Variants in TENM1 observed in about 807,000 individuals in gnomAD.
TENM1 encodes teneurin transmembrane protein 1.
A neutral mutation model predicts 174.8 loss-of-function variants in TENM1; 35 were observed. The ratio of observed to expected loss-of-function variants is 0.20; its 90% confidence interval spans 0.15 to 0.27. TENM1 has a LOEUF of 0.27. Among genes scored for constraint, TENM1 ranks in the 10% least tolerant of loss-of-function variants. The pLI is 1.00. For synonymous variants in TENM1, 781 were observed against 798.7 expected (o/e 0.98, Z 0.37); for missense variants, 1,633 against 2,130.1 (o/e 0.77, Z 4.59).
chrX:125,156,897 C>G, the TENM1 span, among the ~76,000 whole-genome samples: 1 of 112,617 alleles, frequency 8.9e-6, no homozygotes, highest in Non-Finnish European at 1.9e-5. Flanking sequence ...ATGTTCAGCT[C>G]TCTACCGATT....
chrX:124,545,806 C>T (rs925522655), intron 15 of TENM1, among the ~76,000 whole-genome samples: 1 of 111,590 alleles, frequency 9.0e-6, no homozygotes, highest in Admixed American at 9.5e-5. Flanking sequence ...GGCAGAAAAG[C>T]CCTTTCTTGT....
chrX:124,551,039 C>T (rs1211300949), intron 14 of TENM1, among the ~76,000 whole-genome samples: 2 of 112,821 alleles, frequency 1.8e-5, no homozygotes, highest in Middle Eastern at 4.6e-3. Flanking sequence ...GGATTACAGG[C>T]GTAAGCCACC....
chrX:124,840,557 C>T (rs906755808), intron 3 of TENM1, among the ~76,000 whole-genome samples: 1 of 111,316 alleles, frequency 9.0e-6, no homozygotes, highest in Admixed American at 9.6e-5. Context: ...TCAAGACTAA[C>T]CCCTTGAGAG....
In TENM1 at chrX:124,630,195, T is replaced by C. The variant is rs5958544; in HGVS notation, c.2077+11596A>G. Among the ~76,000 whole-genome samples, 296 of 112,606 alleles carry C rather than the reference T, an allele frequency of 2.6e-3. 2 individuals carry two copies. Among genetic ancestry groups the C allele is most frequent in the African/African-American group, 9.1e-3 (282 of 31,076 alleles). On this transcript the variant is annotated intron_variant, in intron 11 of 31. Transcript: ENST00000422452. ...TCATTGCTTGATATGCAGAATTCAATTTAAAAAATGAATGAACCTTCAATA... is the reference window on the plus strand; with the variant it reads ...TCATTGCTTGATATGCAGAATTCAACTTAAAAAATGAATGAACCTTCAATA...
chrX:124,579,659 G>A (rs1200333109), intron 11 of TENM1, among the ~76,000 whole-genome samples: 2 of 111,972 alleles, frequency 1.8e-5, no homozygotes, highest in Non-Finnish European at 3.8e-5. Flanking sequence ...TATATTGTAA[G>A]TTGATGAAGG....
chrX:125,163,210 A>G, the TENM1 span, among the ~76,000 whole-genome samples: 1 of 111,294 alleles, frequency 9.0e-6, no homozygotes, highest in Non-Finnish European at 1.9e-5. Flanking sequence ...AAGAACTGCC[A>G]CAGAGAAGTG....
rs149571942 is a variant in TENM1, at chrX:124,726,026, A to G, written c.776+10931T>C. 6.7e-3 allele frequency among the ~76,000 whole-genome samples: 753 copies of G among 112,082 alleles called. 9 individuals carry two copies. The highest frequency in any genetic ancestry group is 0.024 in the African/African-American group (728 of 30,887). On this transcript the variant is annotated intron_variant, in intron 4 of 31. Coordinates refer to ENST00000422452, the Ensembl canonical transcript of TENM1. ...TAGGGAAGTGTATAAGTATATGGTG[A>G]GGGAGGGCAAAATGATGGGTACAGA... is the stretch of plus-strand genomic sequence containing the variant.
chrX:124,466,881 G>C (rs2061246617), intron 22 of TENM1, among the ~76,000 whole-genome samples: 1 of 111,516 alleles, frequency 9.0e-6, no homozygotes, highest in Non-Finnish European at 1.9e-5. Flanking sequence ...AACCAATATA[G>C]GTAAGCTTAG....
chrX:124,606,791 C>T (rs999771435), intron 11 of TENM1, among the ~76,000 whole-genome samples: 2 of 111,692 alleles, frequency 1.8e-5, no homozygotes, highest in Non-Finnish European at 3.8e-5. Flanking sequence ...TTATACCATG[C>T]TTTGAGCTTT....
At chrX:124,984,857 CT>C in the TENM1 span, among the ~76,000 whole-genome samples, 1 of 111,929 alleles carries the variant, frequency 8.9e-6, no homozygotes, top group East Asian at 2.8e-4. Flanking sequence ...TAAAATTCCT[CT>C]AATAGGTTTC....
chrX:124,494,781 C>A (rs960755343), intron 20 of TENM1, among the ~76,000 whole-genome samples: 3 of 108,404 alleles, frequency 2.8e-5, no homozygotes, highest in Non-Finnish European at 5.7e-5. Context: ...TCTGCTCTTG[C>A]GATAGTTTAC....
At chrX:124,957,299 T>A (rs1488716884) in intron 1 of TENM1, among the ~76,000 whole-genome samples, 1 of 110,570 alleles carries the variant, frequency 9.0e-6, no homozygotes, top group Non-Finnish European at 1.9e-5. Context: ...AATTGGCAGT[T>A]TGGGCTGGGC....
intron 3 of TENM1, among the ~76,000 whole-genome samples, chrX:124,883,891 A>C (rs2057341404): frequency 9.0e-6 from 1 of 111,148 alleles, no homozygotes; most frequent in Non-Finnish European, 1.9e-5. Context: ...GGACACTGGT[A>C]GTGGTGGTGC....
At chrX:125,077,425 T>G in the TENM1 span, among the ~76,000 whole-genome samples, 2 of 111,492 alleles carry the variant, frequency 1.8e-5, no homozygotes, top group African/African-American at 6.5e-5. Flanking sequence ...TGTAATTATT[T>G]GGATGAAGAT....
At chrX:125,155,372 G>C in the TENM1 span, among the ~76,000 whole-genome samples, 5 of 112,017 alleles carry the variant, frequency 4.5e-5, no homozygotes, top group African/African-American at 1.6e-4. Context: ...GGTTCTCCAA[G>C]TCCCCACTAG....
intron 3 of TENM1, among the ~76,000 whole-genome samples, chrX:124,798,207 C>T (rs768158913): frequency 9.0e-6 from 1 of 111,480 alleles, no homozygotes; most frequent in South Asian, 3.8e-4. Context: ...GTATATAACC[C>T]ATAATGGGAT....
intron 3 of TENM1, among the ~76,000 whole-genome samples, chrX:124,795,233 A>C (rs2055276612): frequency 8.9e-6 from 1 of 112,244 alleles, no homozygotes; most frequent in Non-Finnish European, 1.9e-5. Context: ...TAGTTTCAAT[A>C]CTTGAAGCCT....
the TENM1 span, among the ~76,000 whole-genome samples, chrX:125,116,810 G>T: frequency 9.0e-6 from 1 of 111,128 alleles, no homozygotes; most frequent in Non-Finnish European, 1.9e-5. Context: ...AGGAGTTCAA[G>T]ACCAGTCTGG....
intron 10 of TENM1, among the ~76,000 whole-genome samples, chrX:124,642,269 C>T (rs769663928): frequency 6.3e-5 from 7 of 111,891 alleles, no homozygotes; most frequent in Non-Finnish European, 1.1e-4. Flanking sequence ...TGTGCAGTAC[C>T]CCCACACAAA....
Sources: gnomAD v4.1 joint callset for allele counts (sites outside exome capture counted in the v4.1 genomes callset) on GRCh38, gnomAD v4.1.1 for gene constraint, MANE v1.5 for transcripts, NCBI Gene and HGNC (gene_info 2026-07-23, HGNC 2026-07-21) for gene names.